The following PTPRQ variants were observed in gnomAD, a reference collection of about 807,000 sequenced individuals.
PTPRQ encodes the protein phosphatidylinositol phosphatase PTPRQ.
A neutral mutation model predicts 246.0 loss-of-function variants in PTPRQ; 199 were observed. The ratio of observed to expected loss-of-function variants is 0.81; its 90% CI spans 0.72 to 0.91. The LOEUF (loss-of-function observed/expected upper bound fraction) is 0.91, where lower values mean the gene tolerates loss of function less well. Among genes scored for constraint, PTPRQ ranks in the 40% least tolerant of loss-of-function variants. PTPRQ has a pLI of 0.00. For synonymous variants in PTPRQ, 869 were observed against 853.2 expected (o/e 1.02, Z -0.32); for missense variants, 2,624 against 2,528.4 (o/e 1.04, Z -0.81).
intron 35 of PTPRQ, among the ~76,000 whole-genome samples, chr12:80,647,377 T>A (rs1202627050): frequency 6.6e-6 from 1 of 152,152 alleles, no homozygotes; most frequent in African/African-American, 2.4e-5. Context: ...GTTCAGTTGA[T>A]CAGAATTTAC....
chr12:80,600,476 A>T (rs989987280), intron 26 of PTPRQ, among the ~76,000 whole-genome samples: 2 of 151,826 alleles, frequency 1.3e-5, no homozygotes, highest in Non-Finnish European at 2.9e-5. Flanking sequence ...AGAAGCCATT[A>T]TAGAGCAGAG....
chr12:80,501,827 G>A (rs888890216), intron 14 of PTPRQ, among the ~76,000 whole-genome samples: 1 of 151,878 alleles, frequency 6.6e-6, no homozygotes, highest in Admixed American at 6.6e-5. Context: ...GTAAGATGGG[G>A]CATACAATTG....
intron 25 of PTPRQ, among the ~76,000 whole-genome samples, chr12:80,584,603 T>C (rs1327215054): frequency 6.6e-6 from 1 of 152,176 alleles, no homozygotes; most frequent in Non-Finnish European, 1.5e-5. Flanking sequence ...TTGCTGTTTG[T>C]TATTGCCGAC....
intron 28 of PTPRQ, among the ~76,000 whole-genome samples, chr12:80,612,112 A>G (rs1328840567): frequency 6.6e-6 from 1 of 150,382 alleles, no homozygotes; most frequent in Non-Finnish European, 1.5e-5. Context: ...CAAAATAGAT[A>G]TAGTCATTCA....
intron 26 of PTPRQ, among the ~76,000 whole-genome samples, chr12:80,600,488 T>C (rs1308481847): frequency 1.3e-5 from 2 of 151,708 alleles, no homozygotes; most frequent in African/African-American, 4.8e-5. Flanking sequence ...AGAGCAGAGA[T>C]ACAGAAATTT....
intron 14 of PTPRQ, among the ~76,000 whole-genome samples, chr12:80,500,127 T>C (rs979785724): frequency 6.6e-6 from 1 of 152,012 alleles, no homozygotes. Flanking sequence ...ATTAAAGCTT[T>C]ATATGCCAAA....
In PTPRQ at chr12:80,483,089, T is replaced by C. The variant is rs113862228; in HGVS notation, c.1187-1344T>C. Among the ~76,000 whole-genome samples the C allele has an allele frequency of 5.6e-5, 7 of 124,908 alleles. 1 individual carries two copies. The highest frequency in any genetic ancestry group is 2.0e-4 in the East Asian group (1 of 4,982). The allele number at this position is 124,908 out of a possible 152,430, so 81.9% of individuals were successfully genotyped here. ...GACACATGCACACGTATGTTTATTG[T>C]GGCACTATTCACAATAGCAAAGACT... On this transcript the variant is annotated intron_variant, in intron 8 of 44. Coordinates refer to ENST00000644991, the MANE Select transcript of PTPRQ (RefSeq NM_001145026.2).
intron 31 of PTPRQ, 35 bp from the exon 32 acceptor site, chr12:80,620,119 C>G: frequency 6.6e-7 from 1 of 1,507,438 alleles, no homozygotes; most frequent in East Asian, 2.5e-5. Flanking sequence ...TCATATGTTA[C>G]TTGGAATTAT....
intron 25 of PTPRQ, among the ~76,000 whole-genome samples, chr12:80,561,772 T>A (rs1383497152): frequency 6.6e-6 from 1 of 152,140 alleles, no homozygotes; most frequent in South Asian, 2.1e-4. Flanking sequence ...TCTGTATGCC[T>A]TTTGTTTTTT....
chr12:80,606,983 A>G (rs1340574422), intron 27 of PTPRQ, among the ~76,000 whole-genome samples: 1 of 151,068 alleles, frequency 6.6e-6, no homozygotes, highest in African/African-American at 2.4e-5. Context: ...AAAATAAAAC[A>G]TATTAAGAAG....
chr12:80,616,707 A>G (rs1898776100), intron 30 of PTPRQ, among the ~76,000 whole-genome samples: 1 of 151,190 alleles, frequency 6.6e-6, no homozygotes, highest in South Asian at 2.1e-4. Flanking sequence ...TTGAACTACC[A>G]TGTAGGTTGG....
At chr12:80,460,252 T>C (rs1474302820) in intron 5 of PTPRQ, among the ~76,000 whole-genome samples, 1 of 152,210 alleles carries the variant, frequency 6.6e-6, no homozygotes, top group Non-Finnish European at 1.5e-5. Context: ...GGCATACTAC[T>C]ACTTTTTAGT....
Position 80,669,146 on chromosome 12 carries a change from G to C in PTPRQ, c.6327+5G>C, listed in dbSNP as rs1236800192. The C allele has an allele frequency of 1.3e-6, 2 of 1,542,518 alleles. No homozygotes were observed. Among genetic ancestry groups the C allele is most frequent in the East Asian group, 2.5e-5 (1 of 40,724 alleles). On this transcript the variant is annotated splice_donor_5th_base_variant and intron_variant, in intron 40 of 44. Coordinates refer to ENST00000644991, the MANE Select transcript of PTPRQ (RefSeq NM_001145026.2). ...CAGTGTTTTGAAAAAGGACGGGTAA[G>C]TTATTTGAAAATGTTTTACAAATGT...
rs548056054 is a variant in PTPRQ at position 80,673,174 on chromosome 12, G to C, written c.6608G>C (p.Gly2203Ala). Residue 2203 changes from glycine to alanine, a missense_variant, in exon 43 of 45, where the codon GGA (glycine) becomes GCA (alanine). Coordinates refer to ENST00000644991, the MANE Select transcript of PTPRQ (RefSeq NM_001145026.2). ...GTAATTTACCCTTCCTGTAGTGCTG[G>C]AGTTGGAAGAACTGGAGTTTTTATT... ...TTPMIVHCSA[G>A]VGRTGVFIAL... 6.4e-7 allele frequency: 1 copy of C among 1,550,540 alleles called. No homozygotes were observed. Among genetic ancestry groups the C allele is most frequent in the South Asian group, 1.2e-5 (1 of 83,986 alleles).
At chr12:80,563,142 C>T (rs1313423002) in intron 25 of PTPRQ, among the ~76,000 whole-genome samples, 1 of 152,064 alleles carries the variant, frequency 6.6e-6, no homozygotes, top group African/African-American at 2.4e-5. Flanking sequence ...TTTGTTTGGG[C>T]TGCTATAATA....
intron 24 of PTPRQ, among the ~76,000 whole-genome samples, chr12:80,547,523 T>C (rs1466327112): frequency 6.6e-6 from 1 of 152,152 alleles, no homozygotes; most frequent in Non-Finnish European, 1.5e-5. Flanking sequence ...CATTTCTGCA[T>C]AAATTTATGG....
At chr12:80,675,586 G>C (rs141173182) in intron 43 of PTPRQ, among the ~76,000 whole-genome samples, 34 of 152,274 alleles carry the variant, frequency 2.2e-4, no homozygotes, top group African/African-American at 8.2e-4. Flanking sequence ...CTAGAGTCTA[G>C]AGTCAATCTT....
chr12:80,659,662 G>A (rs1232679270), intron 39 of PTPRQ, among the ~76,000 whole-genome samples: 2 of 151,994 alleles, frequency 1.3e-5, no homozygotes, highest in African/African-American at 2.4e-5. Context: ...CTTGAAATAT[G>A]GTAGGTTGTC....
At chr12:80,607,786 A>G (rs924057653) in intron 27 of PTPRQ, among the ~76,000 whole-genome samples, 2 of 150,830 alleles carry the variant, frequency 1.3e-5, no homozygotes, top group African/African-American at 4.8e-5. Context: ...TGTAAATATC[A>G]TCCTAGATGA....
Sources: allele counts gnomAD v4.1 joint callset (sites outside exome capture counted in the v4.1 genomes callset), GRCh38; gene constraint gnomAD v4.1.1; transcripts MANE v1.5; gene names NCBI Gene and HGNC (gene_info 2026-07-23, HGNC 2026-07-21).